The following EIF4E variants were observed in gnomAD, a reference collection of about 807,000 sequenced individuals.
EIF4E encodes eukaryotic translation initiation factor 4E.
For synonymous variants in EIF4E, 71 were observed against 88.5 expected, an observed-to-expected ratio of 0.80 and a Z score of 1.11; for missense variants, 113 against 265.6, an observed-to-expected ratio of 0.43 and a Z score of 3.99.
intron 1 of EIF4E, among the ~76,000 whole-genome samples, chr4:98,915,532 T>C (rs1452100715): frequency 2.0e-5 from 3 of 151,958 alleles, no homozygotes; most frequent in Admixed American, 2.0e-4. Flanking sequence ...CAATATCATA[T>C]TTTTGTAAAT....
At chr4:98,927,731 C>A (rs1043839654) in intron 1 of EIF4E, among the ~76,000 whole-genome samples, 1 of 142,712 alleles carries the variant, frequency 7.0e-6, no homozygotes, top group African/African-American at 2.6e-5. Context: ...AGCAAAACCA[C>A]AAGCTACCAT....
intron 1 of EIF4E, among the ~76,000 whole-genome samples, chr4:98,924,593 G>T (rs1306180513): frequency 6.8e-6 from 1 of 146,774 alleles, no homozygotes; most frequent in Non-Finnish European, 1.5e-5. Flanking sequence ...ATTTGTTTCT[G>T]TTTTTTTTTT....
At chr4:98,896,486 CAAAAA>C (rs59729154) in intron 2 of EIF4E, among the ~76,000 whole-genome samples, 1 of 39,024 alleles carries the variant, frequency 2.6e-5, no homozygotes, top group African/African-American at 1.2e-4. Flanking sequence ...CCGCATCTCT[CAAAAA>C]AAAAAAAAAA....
intron 1 of EIF4E, among the ~76,000 whole-genome samples, chr4:98,923,068 C>T (rs1322420358): frequency 6.6e-6 from 1 of 151,762 alleles, no homozygotes; most frequent in Non-Finnish European, 1.5e-5. Flanking sequence ...TCAGGCTGGT[C>T]TCGAACTCCC....
chr4:98,900,251 G>A (rs188388886), intron 2 of EIF4E, among the ~76,000 whole-genome samples: 46 of 152,192 alleles, frequency 3.0e-4, no homozygotes, highest in Non-Finnish European at 3.7e-4. Flanking sequence ...AATACATGTG[G>A]TACATTGCTT....
rs1285037653 is a variant in EIF4E, at chr4:98,902,032, T to C, written c.19-50A>G. On this transcript the variant is annotated intron_variant, in intron 1 of 6. Transcript: ENST00000450253. The stretch of plus-strand genomic sequence containing the variant: ...TATTTTAAATGTCTTAACACATCTA[T>C]GACAGCAATATTCTAACTAAACCTG... 4.0e-6 allele frequency: 6 copies of C among 1,514,656 alleles called. No individual in the cohort carries two copies. The South Asian group carries it at 5.6e-5, about 14-fold the overall frequency. The allele number at this position is 1,514,656 out of a possible 1,614,324, so 93.8% of individuals were successfully genotyped here. A position where few individuals can be genotyped will look rare whatever the true frequency, so the allele number is the denominator to read the frequency against.
chr4:98,916,007 A>G (rs1177177656), intron 1 of EIF4E, among the ~76,000 whole-genome samples: 2 of 151,454 alleles, frequency 1.3e-5, no homozygotes, highest in East Asian at 2.0e-4. Context: ...CCTGGCCAAC[A>G]TGGTGAAAAC....
intron 1 of EIF4E, among the ~76,000 whole-genome samples, chr4:98,910,555 T>C (rs776578993): frequency 1.3e-5 from 2 of 152,158 alleles, no homozygotes; most frequent in Non-Finnish European, 2.9e-5. Context: ...TCAAAATAAG[T>C]AGCACTAACT....
At chr4:98,903,563 C>T (rs1724738179) in intron 1 of EIF4E, 7 of 438,416 alleles carry the variant, frequency 1.6e-5, no homozygotes, top group Non-Finnish European at 2.7e-5. Context: ...AGGCTGGTCT[C>T]AAACTCCTGA....
Position 98,888,006 on chromosome 4 carries a change from G to A in EIF4E, c.222-54C>T, listed in dbSNP as rs575223306. ...CACAGAATATGTAATATAGAGTTTAGGTGCTTACATATATATACATTTAGA... is the reference window on the plus strand; with the variant it reads ...CACAGAATATGTAATATAGAGTTTAAGTGCTTACATATATATACATTTAGA... On this transcript the variant is annotated intron_variant, in intron 3 of 6. Coordinates refer to ENST00000450253, the MANE Select transcript of EIF4E (RefSeq NM_001968.5). 210 of 1,405,962 alleles carry A rather than the reference G, an allele frequency of 1.5e-4. 3 individuals carry two copies. The Middle Eastern group carries it at 2.7e-3, about 18-fold the overall frequency. 87.1% of individuals were successfully genotyped at this position (1,405,962 alleles called of 1,614,324 possible).
At position 98,917,133 on chromosome 4, in the gene EIF4E, C is replaced by CAA. The variant is rs756226013; in HGVS notation, c.18+11960_18+11961dup. 8.8e-3 allele frequency among the ~76,000 whole-genome samples: 485 copies of CAA among 55,114 alleles called. 5 individuals are homozygous for CAA. Among genetic ancestry groups the CAA allele is most frequent in the Middle Eastern group, 0.068 (8 of 118 alleles). The allele number at this position is 55,114 out of a possible 152,430, so 36.2% of individuals were successfully genotyped here. A position where few individuals can be genotyped will look rare whatever the true frequency, so the allele number is the denominator to read the frequency against. On this transcript the variant is annotated intron_variant, in intron 1 of 6. Transcript: ENST00000450253. ...ACACACACACACACACACACACACA[C>CAA]AAAAAAAACCCAAATGCTCAAGTGT...
At chr4:98,928,398 T>C (rs560333012) in intron 1 of EIF4E, among the ~76,000 whole-genome samples, 1 of 151,304 alleles carries the variant, frequency 6.6e-6, no homozygotes, top group Non-Finnish European at 1.5e-5. Context: ...GACACACGAG[T>C]GTTCCTTCCC....
chr4:98,919,929 A>G (rs188682743), intron 1 of EIF4E, among the ~76,000 whole-genome samples: 2 of 152,348 alleles, frequency 1.3e-5, no homozygotes, highest in African/African-American at 4.8e-5. Flanking sequence ...AATTATTAAT[A>G]TTAAATAAAG....
intron 1 of EIF4E, among the ~76,000 whole-genome samples, chr4:98,904,247 T>C (rs1232617545): frequency 6.6e-6 from 1 of 151,896 alleles, no homozygotes; most frequent in Non-Finnish European, 1.5e-5. Flanking sequence ...ACTGCTTGAG[T>C]CCAGGAGTTC....
intron 1 of EIF4E, among the ~76,000 whole-genome samples, chr4:98,919,556 TTC>T (rs1725557042): frequency 6.6e-6 from 1 of 150,380 alleles, no homozygotes; most frequent in African/African-American, 2.4e-5. Context: ...TAGATTCTTT[TTC>T]TTTTTTTTTT....
intron 1 of EIF4E, among the ~76,000 whole-genome samples, chr4:98,926,768 A>C (rs1362848953): frequency 3.9e-5 from 6 of 152,182 alleles, no homozygotes; most frequent in Non-Finnish European, 8.8e-5. Flanking sequence ...ACATTCAACA[A>C]GACTCACATC....
Position 98,925,618 on chromosome 4 carries a change from A to C in EIF4E, c.18+3477T>G, listed in dbSNP as rs72677506. The stretch of plus-strand genomic sequence containing the variant: ...CATCTTCATGTAACTCAACTCATAC[A>C]AAGAGAAAACCACACAATAATATCA... On this transcript the variant is annotated intron_variant, in intron 1 of 6. Coordinates refer to ENST00000450253, the MANE Select transcript of EIF4E (RefSeq NM_001968.5). 2.6e-5 allele frequency among the ~76,000 whole-genome samples: 4 copies of C among 152,216 alleles called. No homozygotes were observed. The East Asian group carries it at 7.7e-4, about 29-fold the overall frequency.
At chr4:98,895,537 C>A (rs1724343099) in intron 2 of EIF4E, 1 of 152,038 alleles carries the variant, frequency 6.6e-6, no homozygotes, top group Admixed American at 6.6e-5. Context: ...ATTTCATAAT[C>A]CTATAATTAA....
chr4:98,885,107 T>C, intron 5 of EIF4E, 46 bp from the exon 6 acceptor site: 1 of 1,584,384 alleles, frequency 6.3e-7, no homozygotes, highest in Non-Finnish European at 8.6e-7. Context: ...ATAAACAAGC[T>C]CATTACACTG....
Sources: allele counts gnomAD v4.1 joint callset (sites outside exome capture counted in the v4.1 genomes callset), GRCh38; gene constraint gnomAD v4.1.1; transcripts MANE v1.5; gene names NCBI Gene and HGNC (gene_info 2026-07-23, HGNC 2026-07-21).